The following DSC1 variants were observed in gnomAD, a reference collection of about 807,000 sequenced individuals.
DSC1 encodes the protein desmocollin-1.
Under a neutral mutation model 98.8 loss-of-function variants are expected in DSC1, and 79 were observed. That is an observed-to-expected ratio of 0.80 (90% CI 0.67 to 0.96). DSC1 has a LOEUF of 0.96. Among genes scored for constraint, DSC1 ranks in the 50% least tolerant of loss-of-function variants. The pLI is 0.00. For missense variants in DSC1, 1,115 were observed against 1,075.9 expected (o/e 1.04, Z -0.51); for synonymous variants, 405 against 372.1 (o/e 1.09, Z -1.02).
At chr18:31,148,374 G>T in intron 6 of DSC1, 124 bp downstream of exon 6, 1 of 1,215,646 alleles carries the variant, frequency 8.2e-7, no homozygotes, top group Non-Finnish European at 1.1e-6. Flanking sequence ...GAAAAAAAGT[G>T]TATGTAATCA....
chr18:31,158,023 G>C (rs1989135182), intron 2 of DSC1, among the ~76,000 whole-genome samples: 1 of 152,150 alleles, frequency 6.6e-6, no homozygotes. Flanking sequence ...AATCCCAGCA[G>C]TTTGGGAGGC....
At chr18:31,135,485 C>A (rs1988591573) in intron 11 of DSC1, among the ~76,000 whole-genome samples, 1 of 152,124 alleles carries the variant, frequency 6.6e-6, no homozygotes. Context: ...CAGTATTTCC[C>A]AGCTAACTAT....
At chr18:31,150,370 CACCATCATCACCACCATCACCACCATT>C (rs1568002866) in intron 5 of DSC1, among the ~76,000 whole-genome samples, 32 of 530 alleles carry the variant, frequency 0.06, 4 homozygotes, top group East Asian at 0.12. Context: ...TCATCACCAC[CACCATCATCACCACCATCACCACCATT>C]ATCACCACCA....
chr18:31,140,329 C>A, intron 9 of DSC1, 28 bp from the exon 10 acceptor site: 1 of 1,596,702 alleles, frequency 6.3e-7, no homozygotes, highest in South Asian at 1.1e-5. Context: ...TTTAATAAGT[C>A]AATATATAAC....
At chr18:31,137,869 A>G (rs1349821439) in intron 11 of DSC1, among the ~76,000 whole-genome samples, 1 of 152,092 alleles carries the variant, frequency 6.6e-6, no homozygotes, top group Non-Finnish European at 1.5e-5. Context: ...CATCAGCCAG[A>G]CTGACAGAGG....
chr18:31,158,617 T>C (rs1989146794), intron 2 of DSC1, among the ~76,000 whole-genome samples: 1 of 152,172 alleles, frequency 6.6e-6, no homozygotes, highest in Non-Finnish European at 1.5e-5. Flanking sequence ...ACAACCAACT[T>C]ATACTTCAGA....
Position 31,145,700 on chromosome 18 carries a change from A to T in DSC1, c.850T>A (p.Leu284Ile). 6.2e-7 allele frequency: 1 copy of T among 1,614,212 alleles called. No individual in the cohort carries two copies. Among genetic ancestry groups the T allele is most frequent in the Non-Finnish European group, 8.5e-7 (1 of 1,180,042 alleles). Residue 284 changes from leucine (L) to isoleucine (I), a missense_variant, in exon 7 of 16, where the codon TTA becomes ATA. Leu to Ile is a conservative substitution (Grantham distance 5). Coordinates refer to ENST00000257198, the MANE Select transcript of DSC1 (RefSeq NM_024421.2). ...TTTGGATGATCTGGGATTTGTTGTA[A>T]GATTTTATATTTCAGACGAGTATGG... ...TLHTRLKYKI[L>I]QQIPDHPKHF...
chr18:31,134,724 G>C lies in DSC1; in HGVS notation c.1724C>G (p.Pro575Arg), dbSNP rs200047736. Residue 575 changes from proline to arginine, a missense_variant, in exon 12 of 16, where the codon CCT (proline) becomes CGT (arginine). Physicochemically the swap from Pro to Arg is moderately radical, Grantham distance 103. Transcript: ENST00000257198. Reference sequence around the variant, plus strand: ...AATGGTCACTTCTTTGTCAATTTGAGGTGCGTGATCGTTGTAATCATCCAA... The same window carrying C: ...AATGGTCACTTCTTTGTCAATTTGACGTGCGTGATCGTTGTAATCATCCAA... ...VHLDDYNDHA[P>R]QIDKEVTICQ... The C allele has an allele frequency of 6.5e-4, 1,045 of 1,613,122 alleles. 9 individuals are homozygous for C. Among genetic ancestry groups the C allele is most frequent in the Non-Finnish European group, 6.6e-5 (78 of 1,179,536 alleles).
intron 5 of DSC1, among the ~76,000 whole-genome samples, chr18:31,150,339 C>T (rs62637961): frequency 5.0e-4 from 51 of 102,704 alleles, no homozygotes; most frequent in East Asian, 2.4e-3. Context: ...ACCACCACTA[C>T]CATCACCACC....
chr18:31,148,519 C>G lies in DSC1; in HGVS notation c.751G>C (p.Val251Leu). 6.2e-7 allele frequency: 1 copy of G among 1,604,914 alleles called. No individual in the cohort carries two copies. The highest frequency in any genetic ancestry group is 8.5e-7 in the Non-Finnish European group (1 of 1,173,676). Residue 251 changes from valine (V) to leucine (L), a missense_variant, in exon 6 of 16, where the codon GTG becomes CTG. Coordinates refer to ENST00000257198, the MANE Select transcript of DSC1 (RefSeq NM_024421.2). ...TTACCGGATCGGCAATTTTCAGGCACAGTAAAGATAGTCACTCTGTGTTCA... is the reference window on the plus strand; with the variant it reads ...TTACCGGATCGGCAATTTTCAGGCAGAGTAAAGATAGTCACTCTGTGTTCA... ...YFEHRVTIFT[V>L]PENCRSGTSV...
chr18:31,132,638 C>T lies in DSC1; in HGVS notation c.2168G>A (p.Cys723Tyr). Residue 723 changes from cysteine (C) to tyrosine (Y), a missense_variant, in exon 14 of 16, where the codon TGT (cysteine) becomes TAT (tyrosine). Coordinates refer to ENST00000257198, the MANE Select transcript of DSC1 (RefSeq NM_024421.2). ...CVTAKRTVKK[C>Y]FPEDIAQQNL... is the part of the protein sequence containing the mutation. ...TTGCTGGGCTATGTCTTCTGGAAAA[C>T]ATTTCTTGACTGTTCTCTTAGCAGT... 8.1e-6 allele frequency: 13 copies of T among 1,613,458 alleles called. No individual in the cohort carries two copies. The highest frequency in any genetic ancestry group is 1.1e-5 in the Non-Finnish European group (13 of 1,179,664).
chr18:31,131,521 C>A, intron 15 of DSC1, 73 bp downstream of exon 15: 1 of 1,576,840 alleles, frequency 6.3e-7, no homozygotes, highest in Non-Finnish European at 8.6e-7. Flanking sequence ...AGGAGTAAAA[C>A]TTTTGGGAAA....
At position 31,156,159 on chromosome 18, in the gene DSC1, G is replaced by A. The variant is rs780041445; in HGVS notation, c.355C>T (p.Pro119Ser). 25 of 1,606,128 alleles carry A rather than the reference G, an allele frequency of 1.6e-5. 1 individual carries two copies. In the South Asian group the frequency reaches 2.8e-4, roughly 18 times the overall value. ...GTGTCTTTGGTATGTCTCTTCTTAGGAGACTACATTTGACAAGAAACAAAG... is the reference window on the plus strand; with the variant it reads ...GTGTCTTTGGTATGTCTCTTCTTAGAAGACTACATTTGACAAGAAACAAAG... ...VVLSARENKS[P>S]KKRHTKDTAL... Residue 119 changes from proline to serine, a missense_variant, in exon 4 of 16, where the codon CCT becomes TCT. Pro to Ser is a moderately conservative substitution (Grantham distance 74, BLOSUM62 -1). Transcript: ENST00000257198.
chr18:31,162,199 A>G (rs2143940708), intron 1 of DSC1, among the ~76,000 whole-genome samples: 1 of 152,350 alleles, frequency 6.6e-6, no homozygotes, highest in Non-Finnish European at 1.5e-5. Context: ...CACTGGTAGC[A>G]GAAGTAAACC....
In DSC1 at chr18:31,157,562, C is replaced by A. The variant is rs372778339; in HGVS notation, c.160G>T (p.Glu54Ter). The A allele has an allele frequency of 2.5e-6, 4 of 1,614,048 alleles. No homozygotes were observed. The highest frequency in any genetic ancestry group is 3.4e-6 in the Non-Finnish European group (4 of 1,180,020). Residue 54 changes from glutamate (E) to a stop codon, truncating the protein, a stop_gained, in exon 3 of 16, where the codon GAG (glutamate) becomes TAG (stop). Transcript: ENST00000257198. LOFTEE classifies it high-confidence loss of function. ...ATTAGGCTGGCCGACTTGAGACACT[C>A]CTCCAGATTCACTGCAGGGAAGAAA... ...ETLVGKVNLE[E>*]CLKSASLIRS...
chr18:31,156,167 A>T lies in DSC1; in HGVS notation c.352-5T>A, dbSNP rs201639111. 1.3e-6 allele frequency: 2 copies of T among 1,598,318 alleles called. No homozygotes were observed. Among genetic ancestry groups the T allele is most frequent in the South Asian group, 2.3e-5 (2 of 87,176 alleles). ...GGTATGTCTCTTCTTAGGAGACTAC[A>T]TTTGACAAGAAACAAAGAAATGTAG... On this transcript the variant is annotated splice_polypyrimidine_tract_variant and splice_region_variant and intron_variant, in intron 3 of 15. Coordinates refer to ENST00000257198, the MANE Select transcript of DSC1 (RefSeq NM_024421.2).
chr18:31,145,186 C>T (rs1028326301), intron 7 of DSC1, among the ~76,000 whole-genome samples: 7 of 151,898 alleles, frequency 4.6e-5, no homozygotes, highest in African/African-American at 7.3e-5. Flanking sequence ...TCATGATCCG[C>T]CCGCCTCAGG....
At chr18:31,138,625 A>C (rs1988662751) in intron 11 of DSC1, among the ~76,000 whole-genome samples, 1 of 152,072 alleles carries the variant, frequency 6.6e-6, no homozygotes, top group Non-Finnish European at 1.5e-5. Context: ...ATTAAAAAAA[A>C]AAACAAAGGG....
At chr18:31,157,157 T>C (rs1456666009) in intron 3 of DSC1, among the ~76,000 whole-genome samples, 1 of 152,224 alleles carries the variant, frequency 6.6e-6, no homozygotes, top group Non-Finnish European at 1.5e-5. Context: ...ACTTTGCTCC[T>C]GGTCTACAGA....
Sources: allele counts gnomAD v4.1 joint callset (sites outside exome capture counted in the v4.1 genomes callset), GRCh38; gene constraint gnomAD v4.1.1; transcripts MANE v1.5; gene names NCBI Gene and HGNC (gene_info 2026-07-23, HGNC 2026-07-21).